SCHIP1: variants seen among roughly 807,000 people sequenced by gnomAD.
The protein encoded by SCHIP1 is schwannomin-interacting protein 1.
Under a neutral mutation model 29.7 loss-of-function variants are expected in SCHIP1, and 8 were observed. That is an observed-to-expected ratio of 0.27 (90% confidence interval 0.16 to 0.49). SCHIP1 has a LOEUF of 0.49. Among genes scored for constraint, SCHIP1 ranks in the 20% least tolerant of loss-of-function variants. The probability of loss-of-function intolerance (pLI) is 0.99; values close to 1 mark genes in which losing one functional copy is unlikely to be tolerated. For synonymous variants in SCHIP1, 76 were observed against 94.9 expected (o/e 0.80, Z 1.16); for missense variants, 193 against 294.6 (o/e 0.66, Z 2.52).
chr3:159,660,911 A>G, the SCHIP1 span, among the ~76,000 whole-genome samples: 2 of 152,166 alleles, frequency 1.3e-5, no homozygotes, highest in African/African-American at 4.8e-5. Context: ...CCATCCATCT[A>G]TCTATCCATC....
At chr3:159,841,853 A>G (rs1744255096) in intron 1 of SCHIP1, among the ~76,000 whole-genome samples, 1 of 152,256 alleles carries the variant, frequency 6.6e-6, no homozygotes, top group Admixed American at 6.5e-5. Flanking sequence ...TGGTTGGGTA[A>G]TAATGGTCAA....
the SCHIP1 span, among the ~76,000 whole-genome samples, chr3:159,467,516 A>ATTCATTTATGAAATGC: frequency 6.6e-6 from 1 of 152,054 alleles, no homozygotes; most frequent in African/African-American, 2.4e-5. Context: ...AAATAAAAAG[A>ATTCATTTATGAAATGC]ACTGGCCAGT....
the SCHIP1 span, among the ~76,000 whole-genome samples, chr3:159,400,811 A>G: frequency 6.6e-6 from 1 of 152,146 alleles, no homozygotes; most frequent in Non-Finnish European, 1.5e-5. Flanking sequence ...TGGGGCTCCA[A>G]TGTTGAGACA....
chr3:159,888,714 T>C, intron 4 of SCHIP1, 106 bp from the exon 6 acceptor site: 2 of 1,492,398 alleles, frequency 1.3e-6, no homozygotes, highest in South Asian at 1.4e-5. Flanking sequence ...AATCACTGAA[T>C]TGCAGTGGGT....
the SCHIP1 span, among the ~76,000 whole-genome samples, chr3:159,396,640 A>C: frequency 0.027 from 4,107 of 152,230 alleles, 75 homozygotes; most frequent in East Asian, 0.11. Context: ...AGAATGTTGA[A>C]TATTGGCCCC....
At chr3:159,437,618 A>G in the SCHIP1 span, among the ~76,000 whole-genome samples, 1 of 151,808 alleles carries the variant, frequency 6.6e-6, no homozygotes, top group African/African-American at 2.4e-5. Context: ...GGGGAAATTC[A>G]TCTCCATTCG....
At chr3:159,461,856 T>C in the SCHIP1 span, among the ~76,000 whole-genome samples, 3 of 152,154 alleles carry the variant, frequency 2.0e-5, no homozygotes, top group Non-Finnish European at 4.4e-5. Flanking sequence ...AAAAATTAAA[T>C]TGATAGTAGA....
At chr3:159,714,523 G>A in the SCHIP1 span, among the ~76,000 whole-genome samples, 1 of 152,160 alleles carries the variant, frequency 6.6e-6, no homozygotes. Context: ...GACAACACCT[G>A]GAAAATCAGG....
the SCHIP1 span, among the ~76,000 whole-genome samples, chr3:159,686,702 A>G: frequency 6.6e-6 from 1 of 152,188 alleles, no homozygotes; most frequent in East Asian, 1.9e-4. Flanking sequence ...CATATGAGAA[A>G]TTTTTTCTAT....
the SCHIP1 span, among the ~76,000 whole-genome samples, chr3:159,343,173 C>T: frequency 6.6e-6 from 1 of 152,136 alleles, no homozygotes; most frequent in Non-Finnish European, 1.5e-5. Flanking sequence ...GGCAACTTGT[C>T]TAAGACATAA....
chr3:159,582,697 G>A, the SCHIP1 span, among the ~76,000 whole-genome samples: 1 of 151,524 alleles, frequency 6.6e-6, no homozygotes, highest in East Asian at 1.9e-4. Flanking sequence ...GCTTAATTGT[G>A]ATATTTCTTT....
the SCHIP1 span, among the ~76,000 whole-genome samples, chr3:159,550,146 G>A: frequency 9.1e-6 from 1 of 110,014 alleles, no homozygotes; most frequent in East Asian, 3.5e-4. Context: ...TTATATGTGT[G>A]TGGGAGGCTT....
intron 1 of SCHIP1, among the ~76,000 whole-genome samples, chr3:159,851,270 A>G (rs1434329236): frequency 1.3e-5 from 2 of 152,242 alleles, no homozygotes; most frequent in South Asian, 2.1e-4. Context: ...AGCCTGGGCA[A>G]CAGAGCAAGA....
chr3:159,721,319 A>T, the SCHIP1 span, among the ~76,000 whole-genome samples: 2 of 152,252 alleles, frequency 1.3e-5, no homozygotes, highest in East Asian at 3.8e-4. Flanking sequence ...TTGCTTTTTA[A>T]ATAGGAAATC....
At chr3:159,307,436 C>T in the SCHIP1 span, among the ~76,000 whole-genome samples, 1 of 152,130 alleles carries the variant, frequency 6.6e-6, no homozygotes, top group African/African-American at 2.4e-5. Context: ...ATATCTAGTA[C>T]ATATGCATAG....
chr3:159,327,717 G>A, the SCHIP1 span, among the ~76,000 whole-genome samples: 4 of 152,140 alleles, frequency 2.6e-5, no homozygotes. Context: ...CTGCTTCTAT[G>A]TTTTATGGTT....
the SCHIP1 span, among the ~76,000 whole-genome samples, chr3:159,802,434 C>T: frequency 6.6e-6 from 1 of 152,174 alleles, no homozygotes; most frequent in African/African-American, 2.4e-5. Context: ...GCAACTAGAG[C>T]AAATTTTCTT....
the SCHIP1 span, among the ~76,000 whole-genome samples, chr3:159,404,183 C>T: frequency 5.9e-5 from 9 of 152,076 alleles, no homozygotes; most frequent in Non-Finnish European, 1.3e-4. Flanking sequence ...GTGCTGGCTT[C>T]GTGTGCGACC....
the SCHIP1 span, among the ~76,000 whole-genome samples, chr3:159,398,386 A>T: frequency 3.3e-5 from 5 of 152,170 alleles, no homozygotes; most frequent in Non-Finnish European, 5.9e-5. Context: ...TTCTACCATT[A>T]CAGCAGGTTG....
Sources: allele counts gnomAD v4.1 joint callset (sites outside exome capture counted in the v4.1 genomes callset), GRCh38; gene constraint gnomAD v4.1.1; transcripts MANE v1.5; gene names NCBI Gene and HGNC (gene_info 2026-07-23, HGNC 2026-07-21).